The following BRINP3 variants were observed in gnomAD, a reference collection of about 807,000 sequenced individuals.
The protein encoded by BRINP3 is BMP/retinoic acid-inducible neural-specific protein 3.
Under a neutral mutation model 71.0 loss-of-function variants are expected in BRINP3, and 19 were observed. That is an observed-to-expected ratio of 0.27 (90% CI 0.19 to 0.39). The LOEUF is 0.39. Among genes scored for constraint, BRINP3 ranks in the 10% least tolerant of loss-of-function variants. BRINP3 has a pLI of 1.00. For synonymous variants in BRINP3, 380 were observed against 337.7 expected (o/e 1.13, Z -1.37); for missense variants, 959 against 940.8 (o/e 1.02, Z -0.25).
intron 2 of BRINP3, among the ~76,000 whole-genome samples, chr1:190,332,536 A>G (rs776611841): frequency 2.0e-5 from 3 of 152,038 alleles, no homozygotes; most frequent in Non-Finnish European, 2.9e-5. Flanking sequence ...GCTGAAATAC[A>G]TGGGTCTCAG....
At chr1:190,274,477 T>G (rs1026094485) in intron 3 of BRINP3, among the ~76,000 whole-genome samples, 1 of 151,618 alleles carries the variant, frequency 6.6e-6, no homozygotes, top group Non-Finnish European at 1.5e-5. Flanking sequence ...TTGTAGTTAT[T>G]AAAAAATGCT....
intron 2 of BRINP3, among the ~76,000 whole-genome samples, chr1:190,321,377 G>A (rs569391939): frequency 2.6e-5 from 4 of 151,986 alleles, no homozygotes; most frequent in South Asian, 2.1e-4. Flanking sequence ...AATTCTCTTC[G>A]ATAACTATTT....
chr1:190,359,086 A>ATG (rs1668951717), intron 2 of BRINP3, among the ~76,000 whole-genome samples: 3 of 152,140 alleles, frequency 2.0e-5, no homozygotes, highest in Admixed American at 6.6e-5. Flanking sequence ...GGTGCAGCAA[A>ATG]CGAATATGAC....
intron 6 of BRINP3, 24 bp from the exon 7 acceptor site, chr1:190,160,914 C>T (rs1553251864): frequency 2.6e-6 from 4 of 1,509,602 alleles, no homozygotes; most frequent in Admixed American, 3.8e-5. Context: ...AAATTCAACA[C>T]TTTAATTATG....
At chr1:190,476,721 T>G (rs1399659398) in intron 1 of BRINP3, among the ~76,000 whole-genome samples, 1 of 152,180 alleles carries the variant, frequency 6.6e-6, no homozygotes. Context: ...ATTGCTCCTC[T>G]CTGAAATGAG....
At chr1:190,137,607 G>A (rs1437792729) in intron 7 of BRINP3, among the ~76,000 whole-genome samples, 1 of 152,056 alleles carries the variant, frequency 6.6e-6, no homozygotes, top group Non-Finnish European at 1.5e-5. Flanking sequence ...TTTAAAAAGA[G>A]CAAAACCCGT....
At chr1:190,099,603 C>T (rs1037797369) in intron 7 of BRINP3, among the ~76,000 whole-genome samples, 1 of 152,014 alleles carries the variant, frequency 6.6e-6, no homozygotes, top group Non-Finnish European at 1.5e-5. Context: ...GCTTTATAAA[C>T]CACTAGTGTT....
chr1:190,125,233 C>T (rs1653988253), intron 7 of BRINP3, among the ~76,000 whole-genome samples: 1 of 151,786 alleles, frequency 6.6e-6, no homozygotes, highest in Admixed American at 6.6e-5. Context: ...TCATCAAGTA[C>T]TTTCTAAAGA....
At chr1:190,259,297 A>T (rs552607182) in intron 4 of BRINP3, among the ~76,000 whole-genome samples, 2 of 151,504 alleles carry the variant, frequency 1.3e-5, no homozygotes, top group African/African-American at 4.9e-5. Flanking sequence ...CACATTGACC[A>T]GATGAGATTT....
chr1:190,140,393 A>G (rs1655335000), intron 7 of BRINP3, among the ~76,000 whole-genome samples: 1 of 152,132 alleles, frequency 6.6e-6, no homozygotes, highest in African/African-American at 2.4e-5. Context: ...TTATATGTTT[A>G]TTAAATGACT....
chr1:190,448,654 G>C (rs969995225), intron 2 of BRINP3, among the ~76,000 whole-genome samples: 1 of 151,570 alleles, frequency 6.6e-6, no homozygotes, highest in South Asian at 2.1e-4. Context: ...TTTATGTTGG[G>C]TCTAATTTTG....
intron 7 of BRINP3, among the ~76,000 whole-genome samples, chr1:190,129,110 A>G (rs1654322409): frequency 1.3e-5 from 2 of 151,842 alleles, no homozygotes; most frequent in Admixed American, 6.6e-5. Context: ...GCATAAATAA[A>G]TCATATTTGA....
intron 7 of BRINP3, among the ~76,000 whole-genome samples, chr1:190,134,726 A>C (rs1654833987): frequency 6.6e-6 from 1 of 152,120 alleles, no homozygotes; most frequent in South Asian, 2.1e-4. Context: ...CTGATTTATA[A>C]AATGATAGCC....
At chr1:190,398,295 T>C (rs1267304064) in intron 2 of BRINP3, among the ~76,000 whole-genome samples, 2 of 151,950 alleles carry the variant, frequency 1.3e-5, no homozygotes, top group East Asian at 3.9e-4. Flanking sequence ...ACTCTAAGTT[T>C]TAAAACCTTC....
intron 7 of BRINP3, among the ~76,000 whole-genome samples, chr1:190,145,293 T>C (rs886512017): frequency 6.6e-6 from 1 of 152,192 alleles, no homozygotes; most frequent in African/African-American, 2.4e-5. Flanking sequence ...TGTATGTTGA[T>C]TTTGTGTCAT....
chr1:190,234,113 A>T (rs1658280792), intron 5 of BRINP3, among the ~76,000 whole-genome samples: 1 of 152,282 alleles, frequency 6.6e-6, no homozygotes, highest in African/African-American at 2.4e-5. Context: ...TACTATACGT[A>T]AGAAAAATAT....
At position 190,160,816 on chromosome 1, in the gene BRINP3, T is replaced by C; in HGVS notation, c.1036A>G (p.Thr346Ala). ...CGGCGCTGAAAATTAGAATCCATTG[T>C]CCACAAATGCATTATAGTAGATGTG... ...LNTSTIMHLW[T>A]MDSNFQRRYE... The change falls in exon 7 of 8, where the codon ACA becomes GCA. Residue 346 changes from threonine (T) to alanine (A), a missense_variant. Transcript: ENST00000367462. The C allele has an allele frequency of 1.2e-6, 2 of 1,613,610 alleles. No homozygotes were observed. Among genetic ancestry groups the C allele is most frequent in the Non-Finnish European group, 1.7e-6 (2 of 1,179,694 alleles).
intron 2 of BRINP3, among the ~76,000 whole-genome samples, chr1:190,294,363 G>T (rs1466820679): frequency 6.6e-6 from 1 of 151,296 alleles, no homozygotes; most frequent in African/African-American, 2.4e-5. Context: ...GGTCTCAAGT[G>T]ATCCTCCCAG....
Position 190,097,921 on chromosome 1 carries a change from A to G in BRINP3, c.*97T>C. 1 of 1,321,718 alleles carries G rather than the reference A, an allele frequency of 7.6e-7. No homozygotes were observed. The highest frequency in any genetic ancestry group is 1.0e-6 in the Non-Finnish European group (1 of 967,454). 81.9% of individuals were successfully genotyped at this position (1,321,718 alleles called of 1,614,324 possible). ...ATTGACTGATATAAGACAGATATTG[A>G]AAAGACAATTTAAATTTACTCTTCC... On this transcript the variant is annotated 3_prime_UTR_variant, in exon 8 of 8. Transcript: ENST00000367462.
Sources: allele counts gnomAD v4.1 joint callset (sites outside exome capture counted in the v4.1 genomes callset), GRCh38; gene constraint gnomAD v4.1.1; transcripts MANE v1.5; gene names NCBI Gene and HGNC (gene_info 2026-07-23, HGNC 2026-07-21).